MARCHF6: variants seen among roughly 807,000 people sequenced by gnomAD.
MARCHF6 encodes the protein membrane associated ring-CH-type finger 6, also known as E3 ubiquitin-protein ligase MARCHF6.
A neutral mutation model predicts 133.7 loss-of-function variants in MARCHF6; 31 were observed. That is an observed-to-expected ratio of 0.23 (90% confidence interval 0.17 to 0.31). The LOEUF (loss-of-function observed/expected upper bound fraction) is 0.31. MARCHF6 is among the 10% of genes least tolerant of loss of function. The pLI is 1.00. For synonymous variants in MARCHF6, 395 were observed against 402.5 expected, an observed-to-expected ratio of 0.98 and a Z score of 0.22; for missense variants, 723 against 1,121.6, an observed-to-expected ratio of 0.64 and a Z score of 5.08.
At chr5:10,428,058 C>T (rs1229678044) in intron 24 of MARCHF6, among the ~76,000 whole-genome samples, 1 of 151,902 alleles carries the variant, frequency 6.6e-6, no homozygotes, top group Non-Finnish European at 1.5e-5. Context: ...GGCCAAGACC[C>T]TGTCTCAAAA....
chr5:10,436,178 A>G lies in MARCHF6; in HGVS notation c.*2494A>G, dbSNP rs1740647866. 1 of 152,230 alleles carries G rather than the reference A, an allele frequency of 6.6e-6. No homozygotes were observed. Among genetic ancestry groups the G allele is most frequent in the Admixed American group, 6.5e-5 (1 of 15,286 alleles). The allele number at this position is 152,230 out of a possible 1,614,324, so 9.4% of individuals were successfully genotyped here. The stretch of plus-strand genomic sequence containing the variant: ...CAAAAGGTTAAAAATTCTTAATCCT[A>G]CAGAATTTTAAATGAATCTTATCAA... On this transcript the variant is annotated 3_prime_UTR_variant, in exon 26 of 26. Transcript: ENST00000274140.
At chr5:10,391,880 A>G in intron 7 of MARCHF6, 149 bp downstream of exon 7, 1 of 715,900 alleles carries the variant, frequency 1.4e-6, no homozygotes, top group Non-Finnish European at 2.0e-6. Context: ...ACTGGCATTT[A>G]TGGATGTACA....
intron 1 of MARCHF6, among the ~76,000 whole-genome samples, chr5:10,373,460 G>A (rs756851578): frequency 6.6e-6 from 1 of 152,110 alleles, no homozygotes; most frequent in Non-Finnish European, 1.5e-5. Flanking sequence ...AGCTTTCTCA[G>A]GCCACGCAGG....
At position 10,435,633 on chromosome 5, in the gene MARCHF6, A is replaced by T. The variant is rs1740578272; in HGVS notation, c.*1949A>T. The T allele has an allele frequency of 1.0e-3, 1 of 1,002 alleles. No homozygotes were observed. The highest frequency in any genetic ancestry group is 2.8e-3 in the Non-Finnish European group (1 of 356). 0.1% of individuals were successfully genotyped at this position (1,002 alleles called of 1,614,324 possible). ...GAATTGAGCATATAACTATATAACT[A>T]TATAACTATATATATATATATATAT... On this transcript the variant is annotated 3_prime_UTR_variant, in exon 26 of 26. Coordinates refer to ENST00000274140, the MANE Select transcript of MARCHF6 (RefSeq NM_005885.4).
chr5:10,372,135 G>A (rs1736509932), intron 1 of MARCHF6, among the ~76,000 whole-genome samples: 1 of 150,548 alleles, frequency 6.6e-6, no homozygotes, highest in South Asian at 2.1e-4. Context: ...AATTGATTTT[G>A]AGAATATGAA....
At chr5:10,353,941 C>G (rs949965573) in intron 1 of MARCHF6, 24 bp downstream of exon 1, 2 of 1,541,878 alleles carry the variant, frequency 1.3e-6, no homozygotes, top group Non-Finnish European at 1.7e-6. Context: ...GCGCGGCGCC[C>G]GAGCCCTTGC....
chr5:10,379,114 G>C (rs62364285), intron 3 of MARCHF6, among the ~76,000 whole-genome samples: 9,892 of 151,646 alleles, frequency 0.065, 423 homozygotes, highest in Non-Finnish European at 0.096. Context: ...AGACAGGTTC[G>C]AACACATGCA....
intron 1 of MARCHF6, among the ~76,000 whole-genome samples, chr5:10,356,050 T>G (rs761309794): frequency 1.3e-5 from 2 of 152,222 alleles, no homozygotes; most frequent in Non-Finnish European, 2.9e-5. Flanking sequence ...GGAAGTCTTC[T>G]GACATTTTTA....
At chr5:10,376,241 G>C (rs1736772031) in intron 1 of MARCHF6, among the ~76,000 whole-genome samples, 1 of 152,162 alleles carries the variant, frequency 6.6e-6, no homozygotes, top group South Asian at 2.1e-4. Flanking sequence ...AAGATCTGCA[G>C]TTTCTCTCCT....
At chr5:10,364,760 T>C (rs1458044459) in intron 1 of MARCHF6, among the ~76,000 whole-genome samples, 1 of 152,190 alleles carries the variant, frequency 6.6e-6, no homozygotes, top group African/African-American at 2.4e-5. Flanking sequence ...AACTGCTGGT[T>C]TTTAGAAACA....
rs761852855 is a variant in MARCHF6 at position 10,387,079 on chromosome 5, C to T, written c.407+13C>T. On this transcript the variant is annotated intron_variant, in intron 5 of 25. Transcript: ENST00000274140. ...ATATGCTGTCAACGTGAGTATTGAA[C>T]CTCTGTGACGAATGTTGCATGATGT... 1.9e-6 allele frequency: 3 copies of T among 1,595,182 alleles called. No homozygotes were observed. Among genetic ancestry groups the T allele is most frequent in the South Asian group, 1.1e-5 (1 of 89,528 alleles).
chr5:10,401,792 T>A, intron 11 of MARCHF6: 1 of 504,048 alleles, frequency 2.0e-6, no homozygotes, highest in South Asian at 3.1e-5. Context: ...GTGCTCTTGT[T>A]TTTGTAAAAT....
intron 1 of MARCHF6, among the ~76,000 whole-genome samples, chr5:10,356,236 T>G (rs564360834): frequency 6.6e-6 from 1 of 151,996 alleles, no homozygotes; most frequent in Admixed American, 6.5e-5. Flanking sequence ...GCTTAGAAAT[T>G]TTTTGGTAGG....
intron 4 of MARCHF6, 75 bp from the exon 5 acceptor site, chr5:10,386,919 C>T (rs1327965604): frequency 3.7e-6 from 4 of 1,080,376 alleles, no homozygotes; most frequent in African/African-American, 1.5e-5. Flanking sequence ...TCCACTTTAC[C>T]TCTGCTTTCT....
chr5:10,369,473 G>A (rs1181908928), intron 1 of MARCHF6, among the ~76,000 whole-genome samples: 1 of 151,926 alleles, frequency 6.6e-6, no homozygotes, highest in Non-Finnish European at 1.5e-5. Flanking sequence ...TACTGTAGAA[G>A]GCCTGTCGAT....
chr5:10,397,298 T>A lies in MARCHF6; in HGVS notation c.867T>A (p.His289Gln). The change falls in exon 10 of 26, where the codon CAT becomes CAA. Residue 289 changes from histidine to glutamine, a missense_variant. Around this residue, in one of 4 missense-constraint regions of MARCHF6, gnomAD observed 43 missense variants for 97.9 expected, o/e 0.44. Transcript: ENST00000274140. ...TTGATGCTTTTTTCCTTTAGGAACA[T>A]GTCTTCTGGGTGGTATCTTTAAATA... ...GLDGSLVFLE[H>Q]VFWVVSLNTL... 1 of 1,573,850 alleles carries A rather than the reference T, an allele frequency of 6.4e-7. No homozygotes were observed.
chr5:10,382,320 G>A (rs994179282), intron 4 of MARCHF6, among the ~76,000 whole-genome samples: 1 of 152,074 alleles, frequency 6.6e-6, no homozygotes. Flanking sequence ...CGAGGCAGGC[G>A]GATCACGAGG....
intron 5 of MARCHF6, among the ~76,000 whole-genome samples, chr5:10,389,682 A>G (rs1361754864): frequency 3.3e-5 from 5 of 152,326 alleles, no homozygotes; most frequent in African/African-American, 1.2e-4. Flanking sequence ...GATTACAGGC[A>G]TGAGCTACTG....
chr5:10,405,428 G>T, intron 15 of MARCHF6, 130 bp from the exon 16 acceptor site: 2 of 674,636 alleles, frequency 3.0e-6, no homozygotes, highest in Non-Finnish European at 4.6e-6. Context: ...AGAATACCAT[G>T]TACATTTTCT....
Sources: gnomAD v4.1 joint callset for allele counts (sites outside exome capture counted in the v4.1 genomes callset) on GRCh38, gnomAD v4.1.1 for gene constraint, gnomAD v4.1.1 regional missense constraint, MANE v1.5 for transcripts, NCBI Gene and HGNC (gene_info 2026-07-23, HGNC 2026-07-21) for gene names.